CEBPA: variants seen among roughly 807,000 people sequenced by gnomAD.
CEBPA encodes CCAAT/enhancer-binding protein alpha.
A neutral mutation model predicts 5.1 loss-of-function variants in CEBPA; 2 were observed. The ratio of observed to expected loss-of-function variants is 0.39; its 90% CI spans 0.16 to 1.23. The LOEUF (loss-of-function observed/expected upper bound fraction) is 1.23. CEBPA is among the 50% of genes most tolerant of loss of function. The pLI, the probability that CEBPA is intolerant of heterozygous loss-of-function variation, is 0.34. For synonymous variants in CEBPA, 275 were observed against 264.1 expected (o/e 1.04, Z -0.40); for missense variants, 455 against 537.4 (o/e 0.85, Z 1.52).
Position 33,301,623 on chromosome 19 carries a change from G to A in CEBPA, c.792C>T (p.Arg264=), listed in dbSNP as rs1967168365. 1.9e-6 allele frequency: 3 copies of A among 1,585,212 alleles called. No homozygotes were observed. The highest frequency in any genetic ancestry group is 2.6e-6 in the Non-Finnish European group (3 of 1,169,124). ...KGLGAAHPDL[R]ASGGSGAGKA... ...TGCCCGCGCCGCTGCCGCCACTCGC[G>A]CGGAGGTCGGGGTGCGCGGCGCCCA... Residue 264 remains arginine, a synonymous_variant, in exon 1 of 1, where the codon CGC becomes CGT. Transcript: ENST00000498907. This position sits in a 1 kb window ranked among gnomAD's most constrained non-coding sequence, Gnocchi z 6.0.
In CEBPA at chr19:33,302,302, C is replaced by A. The variant is rs1967199337; in HGVS notation, c.113G>T (p.Gly38Val). 6.9e-7 allele frequency: 1 copy of A among 1,459,302 alleles called. No homozygotes were observed. The highest frequency in any genetic ancestry group is 3.0e-5 in the East Asian group (1 of 33,490). 90.4% of individuals were successfully genotyped at this position (1,459,302 alleles called of 1,614,324 possible). ...AGGTGGGGCGGGAGGCTGCGCGGGGCCCGCGCCCCGGGGAAAGCCGAAGGC... is the reference window on the plus strand; with the variant it reads ...AGGTGGGGCGGGAGGCTGCGCGGGGACCGCGCCCCGGGGAAAGCCGAAGGC... ...SAAFGFPRGAGPAQPPAPPAA... is the reference protein window; with the variant it reads ...SAAFGFPRGAVPAQPPAPPAA... The change falls in exon 1 of 1, where the codon GGC becomes GTC. Residue 38 changes from glycine (G) to valine (V), a missense_variant. By Grantham distance (109) the Gly-to-Val change is moderately radical (BLOSUM62 -3). This residue lies in a region of CEBPA where 143 missense variants were observed against 153.9 expected (regional missense o/e 0.93). Transcript: ENST00000498907.
chr19:33,302,472 G>A lies in CEBPA; in HGVS notation c.-58C>T, dbSNP rs1967207935. ...CTCGGCGGCCTCCAGCCTGCGCGGG[G>A]CGTCGCCGCCGCCCACCCGGAGACC... On this transcript the variant is annotated 5_prime_UTR_variant, in exon 1 of 1. Coordinates refer to ENST00000498907, the MANE Select transcript of CEBPA (RefSeq NM_004364.5). The A allele has an allele frequency of 2.3e-5, 26 of 1,139,090 alleles. No homozygotes were observed. The highest frequency in any genetic ancestry group is 8.7e-5 in the Admixed American group (2 of 23,052). The allele number at this position is 1,139,090 out of a possible 1,614,324, so 70.6% of individuals were successfully genotyped here.
rs1380939101 is a variant in CEBPA at position 33,300,097 on chromosome 19, C to G, written c.*1241G>C. The stretch of plus-strand genomic sequence containing the variant: ...CCTTCCCGACCAGGAGCCAGGGCCT[C>G]TGGGGGACAAGCCTTGTGGGCAGCC... On this transcript the variant is annotated 3_prime_UTR_variant, in exon 1 of 1. Transcript: ENST00000498907. 1 of 233,286 alleles carries G rather than the reference C, an allele frequency of 4.3e-6. No individual in the cohort carries two copies. The highest frequency in any genetic ancestry group is 8.5e-6 in the Non-Finnish European group (1 of 118,092). The allele number at this position is 233,286 out of a possible 1,614,324, so 14.5% of individuals were successfully genotyped here.
At position 33,301,571 on chromosome 19, in the gene CEBPA, T is replaced by C; in HGVS notation, c.844A>G (p.Ser282Gly). The change falls in exon 1 of 1, where the codon AGC (serine) becomes GGC (glycine). Residue 282 changes from serine (S) to glycine (G), a missense_variant. Coordinates refer to ENST00000498907, the MANE Select transcript of CEBPA (RefSeq NM_004364.5). This position sits in a 1 kb window ranked among gnomAD's most constrained non-coding sequence, Gnocchi z 6.0. ...TCGCGCCGCACCCGGTACTCGTTGC[T>C]GTTCTTGTCCACCGACTTCTTGGCC... ...GKAKKSVDKN[S>G]NEYRVRRERN... 6.2e-7 allele frequency: 1 copy of C among 1,612,450 alleles called. No individual in the cohort carries two copies.
rs1967121847 is a variant in CEBPA at position 33,300,332 on chromosome 19, C to T, written c.*1006G>A. The T allele has an allele frequency of 4.3e-6, 1 of 233,796 alleles. No homozygotes were observed. Among genetic ancestry groups the T allele is most frequent in the Non-Finnish European group, 8.5e-6 (1 of 118,080 alleles). 14.5% of individuals were successfully genotyped at this position (233,796 alleles called of 1,614,324 possible). Reference sequence around the variant, plus strand: ...ATAAAATGGTGGTTTAGCAGAGACGCGCACATTCACATTGCACAAGGCACT... The same window carrying T: ...ATAAAATGGTGGTTTAGCAGAGACGTGCACATTCACATTGCACAAGGCACT... On this transcript the variant is annotated 3_prime_UTR_variant, in exon 1 of 1. Coordinates refer to ENST00000498907, the MANE Select transcript of CEBPA (RefSeq NM_004364.5).
Position 33,301,196 on chromosome 19 carries a change from A to T in CEBPA, c.*142T>A. 7.4e-7 allele frequency: 1 copy of T among 1,354,698 alleles called. No homozygotes were observed. The highest frequency in any genetic ancestry group is 1.5e-5 in the South Asian group (1 of 66,168). 83.9% of individuals were successfully genotyped at this position (1,354,698 alleles called of 1,614,324 possible). A position where few individuals can be genotyped will look rare whatever the true frequency, so the allele number is the denominator to read the frequency against. On this transcript the variant is annotated 3_prime_UTR_variant, in exon 1 of 1. Transcript: ENST00000498907. The surrounding 1 kb of genome is among the most constrained non-coding windows in gnomAD (Gnocchi z 6.0). ...GCAGAGGAAGGGAGGGGACACGCGGAGCAGGCCAGGCTTTCAGGAGGCACC... is the reference window on the plus strand; with the variant it reads ...GCAGAGGAAGGGAGGGGACACGCGGTGCAGGCCAGGCTTTCAGGAGGCACC...
chr19:33,302,046 TC>T lies in CEBPA; in HGVS notation c.368del (p.Gly123GlufsTer37), dbSNP rs2145262613. 8.4e-7 allele frequency: 1 copy of T among 1,189,614 alleles called. No homozygotes were observed. The allele number at this position is 1,189,614 out of a possible 1,614,324, so 73.7% of individuals were successfully genotyped here. On this transcript the variant is annotated frameshift_variant, in exon 1 of 1. Coordinates refer to ENST00000498907, the MANE Select transcript of CEBPA (RefSeq NM_004364.5). LOFTEE classifies it low-confidence loss of function (END_TRUNC). ...CGTAGCCGGGCGGGGGCCCGTGCGC[TC>T]CCCCGGGCATGACGGCGCCGCCGGG... Reference protein sequence around the residue: ...AGPGGAVMPGGAHGPPPGYGC... With the variant: ...AGPGGAVMPGXAHGPPPGYGC...
Position 33,301,158 on chromosome 19 carries a change from C to T in CEBPA, c.*180G>A. ...CCGCCTGGCCCCCTCATCTTAGACGCACCAAGTCCGGCGCAGAGGAAGGGA... is the reference window on the plus strand; with the variant it reads ...CCGCCTGGCCCCCTCATCTTAGACGTACCAAGTCCGGCGCAGAGGAAGGGA... On this transcript the variant is annotated 3_prime_UTR_variant, in exon 1 of 1. Transcript: ENST00000498907. This position sits in a 1 kb window ranked among gnomAD's most constrained non-coding sequence, Gnocchi z 6.0. The T allele has an allele frequency of 9.0e-7, 1 of 1,105,914 alleles. No individual in the cohort carries two copies. Among genetic ancestry groups the T allele is most frequent in the Non-Finnish European group, 1.3e-6 (1 of 799,208 alleles). The allele number at this position is 1,105,914 out of a possible 1,614,324, so 68.5% of individuals were successfully genotyped here. A position where few individuals can be genotyped will look rare whatever the true frequency, so the allele number is the denominator to read the frequency against.
chr19:33,301,821 G>A lies in CEBPA; in HGVS notation c.594C>T (p.Pro198=), dbSNP rs1222412810. The A allele has an allele frequency of 2.4e-6, 3 of 1,239,282 alleles. No homozygotes were observed. The allele number at this position is 1,239,282 out of a possible 1,614,324, so 76.8% of individuals were successfully genotyped here. A position where few individuals can be genotyped will look rare whatever the true frequency, so the allele number is the denominator to read the frequency against. Reference sequence around the variant, plus strand: ...GCAGGTGCGGGGCGGCCAGGTGCGCGGGCGGCGGGTGCGGGTGCGGGTGCG... The same window carrying A: ...GCAGGTGCGGGGCGGCCAGGTGCGCAGGCGGCGGGTGCGGGTGCGGGTGCG... ...PPSHPHPHPP[P]AHLAAPHLQF... is the part of the protein sequence containing the mutation. Residue 198 remains proline, a synonymous_variant, in exon 1 of 1, where the codon CCC becomes CCT. Coordinates refer to ENST00000498907, the MANE Select transcript of CEBPA (RefSeq NM_004364.5). The surrounding 1 kb of genome is among the most constrained non-coding windows in gnomAD (Gnocchi z 6.0).
rs746522150 is a variant in CEBPA, at chr19:33,302,308, C to T, written c.107G>A (p.Gly36Asp). 71 of 1,444,136 alleles carry T rather than the reference C, an allele frequency of 4.9e-5. 1 individual carries two copies. Among genetic ancestry groups the T allele is most frequent in the Non-Finnish European group, 6.1e-5 (67 of 1,093,614 alleles). 89.5% of individuals were successfully genotyped at this position (1,444,136 alleles called of 1,614,324 possible). A position where few individuals can be genotyped will look rare whatever the true frequency, so the allele number is the denominator to read the frequency against. Residue 36 changes from glycine (G) to aspartate (D), a missense_variant, in exon 1 of 1, where the codon GGC (glycine) becomes GAC (aspartate). Gly to Asp is a moderately conservative substitution (Grantham distance 94). Around this residue, in one of 5 missense-constraint regions of CEBPA, gnomAD observed 143 missense variants for 153.9 expected, o/e 0.93. Coordinates refer to ENST00000498907, the MANE Select transcript of CEBPA (RefSeq NM_004364.5). ...PSSAAFGFPR[G>D]AGPAQPPAPP... ...GGCGGGAGGCTGCGCGGGGCCCGCG[C>T]CCCGGGGAAAGCCGAAGGCGGCGCT...
Position 33,301,292 on chromosome 19 carries a change from G to A in CEBPA, c.*46C>T, listed in dbSNP as rs1375642313. Reference sequence around the variant, plus strand: ...TCCGGCGACCCCAAACCACTCCCTGGGTCCCCGCCGGAGGCTGGCCCAGGG... The same window carrying A: ...TCCGGCGACCCCAAACCACTCCCTGAGTCCCCGCCGGAGGCTGGCCCAGGG... On this transcript the variant is annotated 3_prime_UTR_variant, in exon 1 of 1. Transcript: ENST00000498907. This position sits in a 1 kb window ranked among gnomAD's most constrained non-coding sequence, Gnocchi z 6.0. 3 of 1,535,770 alleles carry A rather than the reference G, an allele frequency of 2.0e-6. No homozygotes were observed. Among genetic ancestry groups the A allele is most frequent in the Non-Finnish European group, 2.6e-6 (3 of 1,145,596 alleles).
rs1600021917 is a variant in CEBPA at position 33,301,674 on chromosome 19, C to A, written c.741G>T (p.Pro247=). ...GCCCCTTGAGCGCGCTGCCAGGGCC[C>A]GGCAGGCCGGCGGCACCGAGCGCGG... ...PAPALGAAGL[P]GPGSALKGLG... is the part of the protein sequence containing the mutation. The change falls in exon 1 of 1, where the codon CCG becomes CCT. Residue 247 remains proline (P), a synonymous_variant. Coordinates refer to ENST00000498907, the MANE Select transcript of CEBPA (RefSeq NM_004364.5). The surrounding 1 kb of genome is among the most constrained non-coding windows in gnomAD (Gnocchi z 6.0). 2 of 1,283,172 alleles carry A rather than the reference C, an allele frequency of 1.6e-6. No individual in the cohort carries two copies. The highest frequency in any genetic ancestry group is 2.0e-6 in the Non-Finnish European group (2 of 1,018,842). The allele number at this position is 1,283,172 out of a possible 1,614,324, so 79.5% of individuals were successfully genotyped here.
At position 33,301,252 on chromosome 19, in the gene CEBPA, G is replaced by T. The variant is rs991316142; in HGVS notation, c.*86C>A. ...CTCCTAGTCCTGGCTCGCACGGCTC[G>T]GGCAAGCCTCGAGATCCGGCGACCC... On this transcript the variant is annotated 3_prime_UTR_variant, in exon 1 of 1. Coordinates refer to ENST00000498907, the MANE Select transcript of CEBPA (RefSeq NM_004364.5). This position sits in a 1 kb window ranked among gnomAD's most constrained non-coding sequence, Gnocchi z 6.0. 3 of 1,484,214 alleles carry T rather than the reference G, an allele frequency of 2.0e-6. No homozygotes were observed. The highest frequency in any genetic ancestry group is 4.9e-5 in the East Asian group (2 of 40,486). The allele number at this position is 1,484,214 out of a possible 1,614,324, so 91.9% of individuals were successfully genotyped here.
In CEBPA at chr19:33,300,557, T is replaced by G; in HGVS notation, c.*781A>C. 1 of 233,784 alleles carries G rather than the reference T, an allele frequency of 4.3e-6. No individual in the cohort carries two copies. Among genetic ancestry groups the G allele is most frequent in the Non-Finnish European group, 8.5e-6 (1 of 118,122 alleles). The allele number at this position is 233,784 out of a possible 1,614,324, so 14.5% of individuals were successfully genotyped here. A position where few individuals can be genotyped will look rare whatever the true frequency, so the allele number is the denominator to read the frequency against. Reference sequence around the variant, plus strand: ...CCCATGCCCGCCCCACAGCCAGATCTCTAGGTCTCCCTCTCCCACCAGGGG... The same window carrying G: ...CCCATGCCCGCCCCACAGCCAGATCGCTAGGTCTCCCTCTCCCACCAGGGG... On this transcript the variant is annotated 3_prime_UTR_variant, in exon 1 of 1. Coordinates refer to ENST00000498907, the MANE Select transcript of CEBPA (RefSeq NM_004364.5).
rs1222412810 is a variant in CEBPA at position 33,301,821 on chromosome 19, G to C, written c.594C>G (p.Pro198=). Residue 198 remains proline (P), a synonymous_variant, in exon 1 of 1, where the codon CCC becomes CCG. Transcript: ENST00000498907. This position sits in a 1 kb window ranked among gnomAD's most constrained non-coding sequence, Gnocchi z 6.0. Reference sequence around the variant, plus strand: ...GCAGGTGCGGGGCGGCCAGGTGCGCGGGCGGCGGGTGCGGGTGCGGGTGCG... The same window carrying C: ...GCAGGTGCGGGGCGGCCAGGTGCGCCGGCGGCGGGTGCGGGTGCGGGTGCG... ...PPSHPHPHPP[P]AHLAAPHLQF... 2.4e-6 allele frequency: 3 copies of C among 1,239,382 alleles called. No homozygotes were observed. In the Admixed American group the frequency reaches 1.3e-4, roughly 54 times the overall value. The allele number at this position is 1,239,382 out of a possible 1,614,324, so 76.8% of individuals were successfully genotyped here. A position where few individuals can be genotyped will look rare whatever the true frequency, so the allele number is the denominator to read the frequency against.
In CEBPA at chr19:33,302,524, G is replaced by A. The variant is rs41480346; in HGVS notation, c.-110C>T. 8.1e-3 allele frequency: 5,215 copies of A among 646,730 alleles called. 197 individuals are homozygous for A. The African/African-American group carries it at 0.083, about 10-fold the overall frequency. 40.1% of individuals were successfully genotyped at this position (646,730 alleles called of 1,614,324 possible). On this transcript the variant is annotated 5_prime_UTR_variant, in exon 1 of 1. Transcript: ENST00000498907. ...TGCTCGCCCGCGCCCGCGCACCTCC[G>A]GGTCGCGAATGGCCCGGCCCGCGCC...
At position 33,301,441 on chromosome 19, in the gene CEBPA, C is replaced by A. The variant is rs1280422347; in HGVS notation, c.974G>T (p.Arg325Leu). Residue 325 changes from arginine to leucine, a missense_variant, in exon 1 of 1, where the codon CGC becomes CTC. Coordinates refer to ENST00000498907, the MANE Select transcript of CEBPA (RefSeq NM_004364.5). The surrounding 1 kb of genome is among the most constrained non-coding windows in gnomAD (Gnocchi z 6.0). ...GCGGCTCAGCTGTTCCACCCGCTTG[C>A]GCAGGCGGTCATTGTCACTGGTCAG... Reference protein sequence around the residue: ...LELTSDNDRLRKRVEQLSREL... With the variant: ...LELTSDNDRLLKRVEQLSREL... 1 of 1,612,716 alleles carries A rather than the reference C, an allele frequency of 6.2e-7. No homozygotes were observed. Among genetic ancestry groups the A allele is most frequent in the Middle Eastern group, 1.6e-4 (1 of 6,062 alleles).
In CEBPA at chr19:33,302,514, G is replaced by T; in HGVS notation, c.-100C>A. The T allele has an allele frequency of 1.4e-6, 1 of 723,614 alleles. No individual in the cohort carries two copies. The highest frequency in any genetic ancestry group is 1.9e-6 in the Non-Finnish European group (1 of 528,016). The allele number at this position is 723,614 out of a possible 1,614,324, so 44.8% of individuals were successfully genotyped here. On this transcript the variant is annotated 5_prime_UTR_variant, in exon 1 of 1. Coordinates refer to ENST00000498907, the MANE Select transcript of CEBPA (RefSeq NM_004364.5). ...CCGGAGACCCTGCTCGCCCGCGCCCGCGCACCTCCGGGTCGCGAATGGCCC... is the reference window on the plus strand; with the variant it reads ...CCGGAGACCCTGCTCGCCCGCGCCCTCGCACCTCCGGGTCGCGAATGGCCC...
chr19:33,300,594 A>C lies in CEBPA; in HGVS notation c.*744T>G. 4.3e-6 allele frequency: 1 copy of C among 233,670 alleles called. No homozygotes were observed. Among genetic ancestry groups the C allele is most frequent in the Non-Finnish European group, 8.5e-6 (1 of 118,096 alleles). 14.5% of individuals were successfully genotyped at this position (233,670 alleles called of 1,614,324 possible). ...TCTCCCACCAGGGGTATACATCCTC[A>C]GAGCTGACCCACGACCTAGCTTTCT... On this transcript the variant is annotated 3_prime_UTR_variant, in exon 1 of 1. Coordinates refer to ENST00000498907, the MANE Select transcript of CEBPA (RefSeq NM_004364.5).
Sources: gnomAD v4.1 joint callset for allele counts on GRCh38, gnomAD v4.1.1 for gene constraint, gnomAD v4.1.1 regional missense constraint, Gnocchi (gnomAD v3.1) non-coding constraint, MANE v1.5 for transcripts, NCBI Gene and HGNC (gene_info 2026-07-23, HGNC 2026-07-21) for gene names.